The following C8orf34 variants were observed in gnomAD, a reference collection of about 807,000 sequenced individuals.
C8orf34 encodes chromosome 8 open reading frame 34.
A neutral mutation model predicts 68.3 loss-of-function variants in C8orf34; 65 were observed. That is an observed-to-expected ratio of 0.95 (90% CI 0.78 to 1.17). The LOEUF is 1.17. Ranked by LOEUF, C8orf34 falls within the 50% of genes most tolerant of loss-of-function variation. The pLI, the probability that C8orf34 is intolerant of heterozygous loss-of-function variation, is 0.00. For synonymous variants in C8orf34, 244 were observed against 241.2 expected, an observed-to-expected ratio of 1.01 and a Z score of -0.11; for missense variants, 664 against 655.4, an observed-to-expected ratio of 1.01 and a Z score of -0.14.
intron 9 of C8orf34, among the ~76,000 whole-genome samples, chr8:68,709,341 T>C (rs889259485): frequency 6.6e-6 from 1 of 152,174 alleles, no homozygotes; most frequent in Non-Finnish European, 1.5e-5. Context: ...CAACTATAAG[T>C]TGGCTACTCC....
chr8:68,720,815 C>A (rs1442837902), intron 9 of C8orf34, among the ~76,000 whole-genome samples: 1 of 151,752 alleles, frequency 6.6e-6, no homozygotes, highest in African/African-American at 2.4e-5. Context: ...CACTACTCAC[C>A]CACCCCTCAA....
intron 8 of C8orf34, among the ~76,000 whole-genome samples, chr8:68,670,749 A>C (rs558123539): frequency 2.6e-5 from 4 of 152,284 alleles, no homozygotes; most frequent in South Asian, 2.1e-4. Flanking sequence ...GGACTCCAAT[A>C]TACATATGCA....
At position 68,737,109 on chromosome 8, in the gene C8orf34, G is replaced by A. The variant is rs540674757; in HGVS notation, c.1404+15672G>A. 1.8e-3 allele frequency among the ~76,000 whole-genome samples: 272 copies of A among 152,148 alleles called. 2 individuals carry two copies. The highest frequency in any genetic ancestry group is 5.1e-3 in the African/African-American group (214 of 41,554). On this transcript the variant is annotated intron_variant, in intron 10 of 13. Transcript: ENST00000518698. The stretch of plus-strand genomic sequence containing the variant: ...CTCAGGATGGCTTTGGAAACTATAA[G>A]GTCTTAGTATCTCCAAGGCATGGCT...
chr8:68,578,397 T>C lies in C8orf34; in HGVS notation c.1105+45248T>C, dbSNP rs76435810. Among the ~76,000 whole-genome samples, 40 of 152,126 alleles carry C rather than the reference T, an allele frequency of 2.6e-4. No individual in the cohort carries two copies. In the East Asian group the frequency reaches 5.4e-3, roughly 21 times the overall value. ...TATTTCAGTAGGAACTTCTTATTGA[T>C]TGAAACTGAGCCTAAACTACTACAA... On this transcript the variant is annotated intron_variant, in intron 7 of 13. Transcript: ENST00000518698.
In C8orf34 at chr8:68,330,964, GGC is replaced by G; in HGVS notation, c.-46_-45del. 1 of 1,308,178 alleles carries G rather than the reference GGC, an allele frequency of 7.6e-7. No homozygotes were observed. The highest frequency in any genetic ancestry group is 1.8e-5 in the South Asian group (1 of 57,064). 81.0% of individuals were successfully genotyped at this position (1,308,178 alleles called of 1,614,324 possible). On this transcript the variant is annotated 5_prime_UTR_variant, in exon 1 of 14. Transcript: ENST00000518698. ...TGCCTCGAATTTCCCCACTGCGCCG[GGC>G]GCTGCGGAGAGCGGCGAGGGTGGGC...
intron 4 of C8orf34, among the ~76,000 whole-genome samples, chr8:68,470,227 G>A (rs942693668): frequency 2.6e-5 from 4 of 152,122 alleles, no homozygotes; most frequent in South Asian, 2.1e-4. Flanking sequence ...GCACATATTC[G>A]TATTTATGAA....
At chr8:68,682,927 G>A (rs767816104) in intron 8 of C8orf34, among the ~76,000 whole-genome samples, 8 of 151,890 alleles carry the variant, frequency 5.3e-5, no homozygotes, top group East Asian at 1.9e-4. Flanking sequence ...AATGTTTCGC[G>A]CGGCTGTACT....
At chr8:68,534,665 C>A in intron 7 of C8orf34, 1 of 985,464 alleles carries the variant, frequency 1.0e-6, no homozygotes, top group Non-Finnish European at 1.2e-6. Flanking sequence ...GGTTTGCTCA[C>A]GTAGGTATGG....
chr8:68,450,384 G>A (rs1159433168), intron 3 of C8orf34, among the ~76,000 whole-genome samples: 4 of 152,014 alleles, frequency 2.6e-5, no homozygotes, highest in Admixed American at 6.6e-5. Flanking sequence ...AATCACAAAT[G>A]TTCTTAATGG....
chr8:68,422,183 G>A (rs985424838), intron 1 of C8orf34, among the ~76,000 whole-genome samples: 8 of 152,160 alleles, frequency 5.3e-5, no homozygotes, highest in African/African-American at 1.9e-4. Context: ...CAACAGTTCT[G>A]TAATGTTTTA....
At chr8:68,733,132 GA>G (rs138402071) in intron 10 of C8orf34, among the ~76,000 whole-genome samples, 12,490 of 152,006 alleles carry the variant, frequency 0.082, 546 homozygotes, top group Middle Eastern at 0.17. Context: ...TTATTAATTT[GA>G]ACTTTTTCTT....
intron 1 of C8orf34, among the ~76,000 whole-genome samples, chr8:68,358,757 G>A (rs1202509218): frequency 1.3e-5 from 2 of 151,238 alleles, no homozygotes; most frequent in African/African-American, 4.9e-5. Flanking sequence ...TTGGGCTGGA[G>A]TGCAGTGGCA....
In C8orf34 at chr8:68,614,214, G is replaced by A. The variant is rs573080947; in HGVS notation, c.1106-26162G>A. ...GCCCTTTGTCAGATGAGTAGGTTGCGAAAATTTTCTCCCATTTTGTAGGTT... is the reference window on the plus strand; with the variant it reads ...GCCCTTTGTCAGATGAGTAGGTTGCAAAAATTTTCTCCCATTTTGTAGGTT... On this transcript the variant is annotated intron_variant, in intron 7 of 13. Coordinates refer to ENST00000518698, the MANE Select transcript of C8orf34 (RefSeq NM_052958.4). Among the ~76,000 whole-genome samples the A allele has an allele frequency of 5.3e-3, 808 of 151,920 alleles. 12 individuals are homozygous for A. The highest frequency in any genetic ancestry group is 0.018 in the African/African-American group (760 of 41,458).
chr8:68,553,148 G>A (rs561239466), intron 7 of C8orf34, among the ~76,000 whole-genome samples: 1 of 152,124 alleles, frequency 6.6e-6, no homozygotes, highest in East Asian at 1.9e-4. Context: ...CACTTTGGGA[G>A]GCCGAGACAG....
intron 10 of C8orf34, among the ~76,000 whole-genome samples, chr8:68,724,580 C>T (rs1001443762): frequency 3.9e-5 from 6 of 152,146 alleles, no homozygotes; most frequent in Admixed American, 3.3e-4. Context: ...TATCCTCCTC[C>T]AAATAAGCAA....
At chr8:68,491,040 A>G (rs1327132334) in intron 5 of C8orf34, among the ~76,000 whole-genome samples, 2 of 152,166 alleles carry the variant, frequency 1.3e-5, no homozygotes, top group African/African-American at 4.8e-5. Context: ...AATTTTGGGG[A>G]TTCACTAAAT....
At chr8:68,437,365 T>A (rs1401767658) in intron 1 of C8orf34, among the ~76,000 whole-genome samples, 1 of 152,190 alleles carries the variant, frequency 6.6e-6, no homozygotes, top group African/African-American at 2.4e-5. Flanking sequence ...TAGAAATGGC[T>A]GTGGCTTTAA....
chr8:68,414,815 T>C (rs1285691639), intron 1 of C8orf34, among the ~76,000 whole-genome samples: 1 of 152,124 alleles, frequency 6.6e-6, no homozygotes, highest in Non-Finnish European at 1.5e-5. Context: ...TTTGTGAAGC[T>C]CTGTATAGTT....
At chr8:68,336,983 C>G (rs1805878745) in intron 1 of C8orf34, among the ~76,000 whole-genome samples, 1 of 152,028 alleles carries the variant, frequency 6.6e-6, no homozygotes, top group African/African-American at 2.4e-5. Context: ...GTGGAATGTG[C>G]TTAATTCATG....
Sources: gnomAD v4.1 joint callset for allele counts (sites outside exome capture counted in the v4.1 genomes callset) on GRCh38, gnomAD v4.1.1 for gene constraint, MANE v1.5 for transcripts, NCBI Gene and HGNC (gene_info 2026-07-23, HGNC 2026-07-21) for gene names.